The following CLSTN2 variants were observed in gnomAD, a reference collection of about 807,000 sequenced individuals.
The protein encoded by CLSTN2 is calsyntenin 2.
CLSTN2 carries 48 observed loss-of-function variants against 101.2 expected under a neutral mutation model. The observed-to-expected ratio is 0.47, with a 90% CI of 0.38 to 0.60. The LOEUF (loss-of-function observed/expected upper bound fraction) is 0.60. CLSTN2 is among the 20% of genes least tolerant of loss of function. CLSTN2 has a pLI of 0.00. For missense variants in CLSTN2, 1,160 were observed against 1,238.2 expected (o/e 0.94, Z 0.95); for synonymous variants, 481 against 463.6 (o/e 1.04, Z -0.48).
chr3:140,504,808 G>C (rs1370686117), intron 8 of CLSTN2, among the ~76,000 whole-genome samples: 1 of 152,170 alleles, frequency 6.6e-6, no homozygotes, highest in South Asian at 2.1e-4. Flanking sequence ...GAGAAAGGTG[G>C]TAGGAGGAAC....
intron 1 of CLSTN2, among the ~76,000 whole-genome samples, chr3:140,075,427 A>G (rs1297579395): frequency 6.6e-6 from 1 of 152,164 alleles, no homozygotes. Flanking sequence ...TGGGTTATTT[A>G]GAGGTATGTT....
chr3:140,135,087 AACAC>A (rs780837347), intron 1 of CLSTN2, among the ~76,000 whole-genome samples: 62 of 51,370 alleles, frequency 1.2e-3, no homozygotes, highest in South Asian at 2.8e-3. Context: ...CTCTCAAAAA[AACAC>A]ACACACACAC....
At chr3:140,383,900 G>A (rs1195623223) in intron 2 of CLSTN2, among the ~76,000 whole-genome samples, 1 of 152,208 alleles carries the variant, frequency 6.6e-6, no homozygotes, top group Non-Finnish European at 1.5e-5. Flanking sequence ...GCAAATTAGG[G>A]ATAGAGCAAA....
At position 140,571,185 on chromosome 3, in the gene CLSTN2, C is replaced by T. The variant is rs1365260559; in HGVS notation, c.*4932C>T. On this transcript the variant is annotated 3_prime_UTR_variant, in exon 17 of 17. Transcript: ENST00000458420. ...GAGCAGGAGTGTTCATTATCTCAGACTGATTTTCATTTCAGCCCTACTCTT... is the reference window on the plus strand; with the variant it reads ...GAGCAGGAGTGTTCATTATCTCAGATTGATTTTCATTTCAGCCCTACTCTT... The T allele has an allele frequency of 1.3e-5, 2 of 152,150 alleles. No individual in the cohort carries two copies. Among genetic ancestry groups the T allele is most frequent in the Non-Finnish European group, 2.9e-5 (2 of 68,040 alleles). 9.4% of individuals were successfully genotyped at this position (152,150 alleles called of 1,614,324 possible).
intron 2 of CLSTN2, among the ~76,000 whole-genome samples, chr3:140,339,761 A>G (rs546391378): frequency 6.6e-6 from 1 of 152,230 alleles, no homozygotes; most frequent in African/African-American, 2.4e-5. Flanking sequence ...ACCATTACAC[A>G]TGACATGGTT....
intron 1 of CLSTN2, among the ~76,000 whole-genome samples, chr3:140,104,169 A>C (rs1023438564): frequency 6.6e-6 from 1 of 152,204 alleles, no homozygotes; most frequent in African/African-American, 2.4e-5. Flanking sequence ...TGCTGACTCC[A>C]GTGGTAATAA....
intron 2 of CLSTN2, among the ~76,000 whole-genome samples, chr3:140,196,300 A>G (rs1479640532): frequency 6.6e-6 from 1 of 152,204 alleles, no homozygotes; most frequent in African/African-American, 2.4e-5. Flanking sequence ...GAAAAATCCA[A>G]GTCACACTAA....
At chr3:140,491,678 C>A (rs1385634036) in intron 8 of CLSTN2, among the ~76,000 whole-genome samples, 1 of 152,102 alleles carries the variant, frequency 6.6e-6, no homozygotes, top group Non-Finnish European at 1.5e-5. Context: ...AAAAATTAGC[C>A]AGACATGGTG....
At chr3:140,291,778 C>T (rs552909120) in intron 2 of CLSTN2, among the ~76,000 whole-genome samples, 1 of 152,096 alleles carries the variant, frequency 6.6e-6, no homozygotes, top group East Asian at 2.0e-4. Flanking sequence ...ATGATTGTCC[C>T]TCAGTCATCC....
chr3:140,263,032 C>T (rs2107884265), intron 2 of CLSTN2, among the ~76,000 whole-genome samples: 1 of 151,992 alleles, frequency 6.6e-6, no homozygotes, highest in African/African-American at 2.4e-5. Context: ...AGGTACTTGA[C>T]CGTTCCCCAC....
At chr3:140,304,025 T>C (rs189119170) in intron 2 of CLSTN2, among the ~76,000 whole-genome samples, 231 of 152,074 alleles carry the variant, frequency 1.5e-3, no homozygotes, top group African/African-American at 4.6e-3. Flanking sequence ...ACCTACTCAT[T>C]TGGGTGGTGG....
rs571881439 is a variant in CLSTN2 at position 140,421,168 on chromosome 3, C to T, written c.681C>T (p.His227=). 35 of 1,614,120 alleles carry T rather than the reference C, an allele frequency of 2.2e-5. No individual in the cohort carries two copies. In the African/African-American group the frequency reaches 3.9e-4, roughly 18 times the overall value. The change falls in exon 5 of 17, where the codon CAC becomes CAT. Residue 227 remains histidine, a synonymous_variant. Coordinates refer to ENST00000458420, the MANE Select transcript of CLSTN2 (RefSeq NM_022131.3). ...NTEKLSYDKQ[H]QYEILVTAYD... ...AGAAGCTGAGCTATGACAAACAACA[C>T]CAGTATGAGATCCTGGTGACCGCCT...
intron 2 of CLSTN2, among the ~76,000 whole-genome samples, chr3:140,239,690 A>C (rs2107866196): frequency 6.6e-6 from 1 of 152,260 alleles, no homozygotes; most frequent in Non-Finnish European, 1.5e-5. Flanking sequence ...TTTTGTGTCC[A>C]GGACTTTCTC....
At chr3:140,263,044 T>A (rs779610224) in intron 2 of CLSTN2, among the ~76,000 whole-genome samples, 3 of 147,032 alleles carry the variant, frequency 2.0e-5, no homozygotes, top group Non-Finnish European at 3.0e-5. Flanking sequence ...GTTCCCCACA[T>A]CCCCCCCAAA....
chr3:140,395,723 A>G (rs984691115), intron 2 of CLSTN2, among the ~76,000 whole-genome samples: 1 of 152,204 alleles, frequency 6.6e-6, no homozygotes, highest in Non-Finnish European at 1.5e-5. Context: ...TTACCTCTTG[A>G]TGTGATTGGC....
chr3:140,335,642 T>C (rs1039069491), intron 2 of CLSTN2, among the ~76,000 whole-genome samples: 2 of 152,216 alleles, frequency 1.3e-5, no homozygotes, highest in African/African-American at 4.8e-5. Context: ...TTTCAAGCCT[T>C]GGAGACTACA....
chr3:140,110,652 T>C (rs554184934), intron 1 of CLSTN2, among the ~76,000 whole-genome samples: 14 of 152,074 alleles, frequency 9.2e-5, no homozygotes, highest in African/African-American at 3.4e-4. Flanking sequence ...ATTATTTCTA[T>C]TGTAGATCTA....
intron 1 of CLSTN2, among the ~76,000 whole-genome samples, chr3:140,031,335 A>G (rs1409409281): frequency 1.3e-5 from 2 of 152,164 alleles, no homozygotes; most frequent in Non-Finnish European, 2.9e-5. Context: ...GTGAGGAGAA[A>G]ATAATCACTA....
intron 2 of CLSTN2, among the ~76,000 whole-genome samples, chr3:140,399,403 G>T (rs1034552878): frequency 2.0e-5 from 3 of 152,092 alleles, no homozygotes; most frequent in Non-Finnish European, 4.4e-5. Context: ...CTAGAATTTT[G>T]TCCTGGGACC....
Sources: allele counts gnomAD v4.1 joint callset (sites outside exome capture counted in the v4.1 genomes callset), GRCh38; gene constraint gnomAD v4.1.1; transcripts MANE v1.5; gene names NCBI Gene and HGNC (gene_info 2026-07-23, HGNC 2026-07-21).